The following SLC9A7 variants were observed in gnomAD, a reference collection of about 807,000 sequenced individuals.
SLC9A7 encodes sodium/hydrogen exchanger 7.
SLC9A7 carries 19 observed loss-of-function variants against 52.6 expected under a neutral mutation model. That is an observed-to-expected ratio of 0.36 (90% CI 0.25 to 0.53). The LOEUF (loss-of-function observed/expected upper bound fraction) is 0.53, where lower values mean the gene tolerates loss of function less well. SLC9A7 is among the 20% of genes least tolerant of loss of function. The pLI, the probability that SLC9A7 is intolerant of heterozygous loss-of-function variation, is 0.91. For synonymous variants in SLC9A7, 226 were observed against 252.1 expected (o/e 0.90, Z 0.98); for missense variants, 455 against 597.9 (o/e 0.76, Z 2.49).
In SLC9A7 at chrX:46,653,212, T is replaced by G. The variant is rs1003319352; in HGVS notation, c.1147+397A>C. ...GAGTTTGAGACCAGCCTGGACAACA[T>G]AGCAAATGTTGTCCATCTCTACAAA... On this transcript the variant is annotated intron_variant, in intron 8 of 16. Transcript: ENST00000616978. 6.3e-5 allele frequency among the ~76,000 whole-genome samples: 7 copies of G among 110,710 alleles called. No homozygotes were observed. In the East Asian group the frequency reaches 1.4e-3, roughly 22 times the overall value.
At chrX:46,703,382 T>C (rs1048208660) in intron 1 of SLC9A7, among the ~76,000 whole-genome samples, 2 of 112,222 alleles carry the variant, frequency 1.8e-5, no homozygotes, top group Non-Finnish European at 3.8e-5. Flanking sequence ...AGGATTAATA[T>C]AGTTTACATT....
intron 2 of SLC9A7, among the ~76,000 whole-genome samples, chrX:46,681,201 G>C (rs1281148728): frequency 1.8e-5 from 2 of 112,381 alleles, no homozygotes; most frequent in East Asian, 5.5e-4. Context: ...AAAGATAAGA[G>C]AGCAAAAGTC....
intron 3 of SLC9A7, among the ~76,000 whole-genome samples, chrX:46,677,309 A>G (rs1023870124): frequency 1.1e-4 from 12 of 112,034 alleles, no homozygotes; most frequent in Admixed American, 6.6e-4. Context: ...CAGCCTCCTT[A>G]GGTGTAACTG....
chrX:46,681,620 C>A (rs772734233), intron 2 of SLC9A7, among the ~76,000 whole-genome samples: 28 of 112,372 alleles, frequency 2.5e-4, no homozygotes, highest in Non-Finnish European at 4.5e-4. Flanking sequence ...CAACCTGGAT[C>A]TCCCAAGACC....
chrX:46,674,132 G>A (rs1301592470), intron 3 of SLC9A7, among the ~76,000 whole-genome samples: 1 of 111,505 alleles, frequency 9.0e-6, no homozygotes, highest in Non-Finnish European at 1.9e-5. Context: ...AGGTATCCAA[G>A]AACAAATTTC....
chrX:46,608,403 T>C (rs1379685048), intron 16 of SLC9A7, among the ~76,000 whole-genome samples: 1 of 112,686 alleles, frequency 8.9e-6, no homozygotes, highest in Non-Finnish European at 1.9e-5. Flanking sequence ...GTCTACACTG[T>C]GACTCCACTT....
chrX:46,692,886 T>G (rs954949210), intron 1 of SLC9A7, among the ~76,000 whole-genome samples: 5 of 110,877 alleles, frequency 4.5e-5, no homozygotes, highest in Non-Finnish European at 9.4e-5. Context: ...TGTCTCCCTG[T>G]AGCTTCTGCC....
At chrX:46,675,557 G>A (rs1238136436) in intron 3 of SLC9A7, among the ~76,000 whole-genome samples, 1 of 112,191 alleles carries the variant, frequency 8.9e-6, no homozygotes, top group Non-Finnish European at 1.9e-5. Context: ...TTGTTGTAAT[G>A]CTGGGCACTT....
At chrX:46,714,831 G>A (rs1944745580) in intron 1 of SLC9A7, among the ~76,000 whole-genome samples, 1 of 111,926 alleles carries the variant, frequency 8.9e-6, no homozygotes, top group East Asian at 2.8e-4. Flanking sequence ...GGGTTAAGGA[G>A]TGTAGTGTGG....
Position 46,647,711 on chromosome X carries a change from C to A in SLC9A7, c.1462+975G>T, listed in dbSNP as rs1246016558. Among the ~76,000 whole-genome samples the A allele has an allele frequency of 2.7e-5, 3 of 112,682 alleles. No individual in the cohort carries two copies. In the Admixed American group the frequency reaches 2.8e-4, roughly 11 times the overall value. Reference sequence around the variant, plus strand: ...AAGAGGATGCTCAATAAATGTTTGTCAGAGTAAAAGGAAATCATCTTAGAA... The same window carrying A: ...AAGAGGATGCTCAATAAATGTTTGTAAGAGTAAAAGGAAATCATCTTAGAA... On this transcript the variant is annotated intron_variant, in intron 11 of 16. Coordinates refer to ENST00000616978, the MANE Select transcript of SLC9A7 (RefSeq NM_001257291.2).
In SLC9A7 at chrX:46,601,034, G is replaced by GAATC. The variant is rs1265755178; in HGVS notation, c.*5914_*5917dup. 1 of 112,256 alleles carries GAATC rather than the reference G, an allele frequency of 8.9e-6. No individual in the cohort carries two copies. The highest frequency in any genetic ancestry group is 1.9e-5 in the Non-Finnish European group (1 of 53,292). The allele number at this position is 112,256 out of a possible 1,213,427, so 9.3% of individuals were successfully genotyped here. A position where few individuals can be genotyped will look rare whatever the true frequency, so the allele number is the denominator to read the frequency against. On this transcript the variant is annotated 3_prime_UTR_variant, in exon 17 of 17. Coordinates refer to ENST00000616978, the MANE Select transcript of SLC9A7 (RefSeq NM_001257291.2). ...TTGTTCCTGAACTAATTAATCTATA[G>GAATC]AATCAACATCAAAAGGCAGACAAGA...
intron 12 of SLC9A7, among the ~76,000 whole-genome samples, chrX:46,641,079 C>T (rs1388688205): frequency 8.9e-6 from 1 of 112,756 alleles, no homozygotes; most frequent in East Asian, 2.8e-4. Flanking sequence ...AAAACCTACA[C>T]AAGAATATTC....
chrX:46,655,183 C>T (rs1013174470), intron 7 of SLC9A7, among the ~76,000 whole-genome samples: 6 of 109,783 alleles, frequency 5.5e-5, no homozygotes, highest in East Asian at 2.8e-4. Context: ...CAGGGTTTCA[C>T]GATGTTGGCC....
intron 1 of SLC9A7, among the ~76,000 whole-genome samples, chrX:46,750,785 T>C (rs962478742): frequency 8.9e-6 from 1 of 112,430 alleles, no homozygotes; most frequent in Non-Finnish European, 1.9e-5. Context: ...AGAAACAACA[T>C]AGTGAATGTT....
chrX:46,651,474 G>T (rs770229593), intron 8 of SLC9A7, 70 bp from the exon 9 acceptor site: 1 of 890,502 alleles, frequency 1.1e-6, no homozygotes, highest in Non-Finnish European at 1.6e-6. Flanking sequence ...AACCCTGCTA[G>T]AACAAAAAGT....
intron 3 of SLC9A7, among the ~76,000 whole-genome samples, chrX:46,676,747 T>C (rs938923653): frequency 4.5e-5 from 5 of 111,710 alleles, no homozygotes; most frequent in African/African-American, 1.3e-4. Flanking sequence ...TCCTATCTAC[T>C]ACATGTCAAT....
chrX:46,620,918 T>C, intron 15 of SLC9A7, 59 bp downstream of exon 15: 1 of 878,769 alleles, frequency 1.1e-6, no homozygotes, highest in Non-Finnish European at 1.6e-6. Flanking sequence ...CACCGACAAT[T>C]CAACAAGATT....
intron 1 of SLC9A7, among the ~76,000 whole-genome samples, chrX:46,734,151 T>C (rs1490683444): frequency 2.7e-5 from 3 of 111,739 alleles, no homozygotes; most frequent in African/African-American, 9.8e-5. Context: ...GCCATGCAGG[T>C]ATGACAACCA....
At chrX:46,734,121 T>C (rs775674926) in intron 1 of SLC9A7, among the ~76,000 whole-genome samples, 3 of 112,182 alleles carry the variant, frequency 2.7e-5, no homozygotes, top group Admixed American at 9.5e-5. Flanking sequence ...CTGGCCTTTA[T>C]TCATTAGATG....
Sources: gnomAD v4.1 joint callset for allele counts (sites outside exome capture counted in the v4.1 genomes callset) on GRCh38, gnomAD v4.1.1 for gene constraint, MANE v1.5 for transcripts, NCBI Gene and HGNC (gene_info 2026-07-23, HGNC 2026-07-21) for gene names.